The following DNAH9 variants were observed in gnomAD, a reference collection of about 807,000 sequenced individuals.
The protein encoded by DNAH9 is dynein axonemal heavy chain 9, also known as DNAH9 variant protein.
Under a neutral mutation model 471.6 loss-of-function variants are expected in DNAH9, and 345 were observed. That is an observed-to-expected ratio of 0.73 (90% CI 0.67 to 0.80). The LOEUF (loss-of-function observed/expected upper bound fraction) is 0.80. DNAH9 is among the 30% of genes least tolerant of loss of function. The probability of loss-of-function intolerance (pLI) is 0.00; values close to 1 mark genes in which losing one functional copy is unlikely to be tolerated. For missense variants in DNAH9, 5,407 were observed against 5,609.2 expected, an observed-to-expected ratio of 0.96 and a Z score of 1.15; for synonymous variants, 2,093 against 2,123.6, an observed-to-expected ratio of 0.99 and a Z score of 0.40.
intron 43 of DNAH9, among the ~76,000 whole-genome samples, chr17:11,800,303 C>T (rs562350848): frequency 1.7e-4 from 26 of 151,708 alleles, no homozygotes; most frequent in Non-Finnish European, 2.8e-4. Flanking sequence ...CCTACACCTG[C>T]GCCCTGGATC....
chr17:11,612,615 A>G (rs2150643774), intron 4 of DNAH9: 1 of 152,296 alleles, frequency 6.6e-6, no homozygotes, highest in Middle Eastern at 3.4e-3. Flanking sequence ...ACCAGACAAG[A>G]TCTACGCTTA....
chr17:11,746,119 GAGAAA>G (rs2075520248), intron 31 of DNAH9, among the ~76,000 whole-genome samples: 1 of 152,216 alleles, frequency 6.6e-6, no homozygotes, highest in Non-Finnish European at 1.5e-5. Context: ...CAAGAGTCAA[GAGAAA>G]AGAATAAGTC....
intron 62 of DNAH9, among the ~76,000 whole-genome samples, chr17:11,928,408 G>A (rs1200963942): frequency 6.6e-6 from 1 of 152,202 alleles, no homozygotes; most frequent in African/African-American, 2.4e-5. Flanking sequence ...TCCAAGTGCT[G>A]GGCTCAGCTC....
At chr17:11,621,416 A>AT in intron 6 of DNAH9, among the ~76,000 whole-genome samples, 1 of 151,286 alleles carries the variant, frequency 6.6e-6, no homozygotes, top group Admixed American at 6.6e-5. Context: ...TCAAAAAAAA[A>AT]AAAAAAAAAA....
Position 11,752,853 on chromosome 17 carries a change from C to G in DNAH9, c.6631C>G (p.Arg2211Gly). The G allele has an allele frequency of 6.2e-7, 1 of 1,600,548 alleles. No homozygotes were observed. The highest frequency in any genetic ancestry group is 1.1e-5 in the South Asian group (1 of 88,708). The change falls in exon 33 of 69, where the codon CGG (arginine) becomes GGG (glycine). Residue 2211 changes from arginine (R) to glycine (G), a missense_variant. Transcript: ENST00000262442. ...TTTAGGATTGTTCTCTTCCATCATGCGGGAGCTTGCCAACATCACCCATGA... is the reference window on the plus strand; with the variant it reads ...TTTAGGATTGTTCTCTTCCATCATGGGGGAGCTTGCCAACATCACCCATGA... ...WKDGLFSSIM[R>G]ELANITHDGP...
Position 11,636,687 on chromosome 17 carries a change from A to G in DNAH9, c.1689A>G (p.Thr563=). The G allele has an allele frequency of 6.2e-7, 1 of 1,613,740 alleles. No homozygotes were observed. Among genetic ancestry groups the G allele is most frequent in the Non-Finnish European group, 8.5e-7 (1 of 1,179,628 alleles). ...LLERPLVARD[T]SDKYLVLIQM... Reference sequence around the variant, plus strand: ...AAAGACCGCTGGTAGCGAGGGATACATCTGATAAATACCTGGTCCTCATCC... The same window carrying G: ...AAAGACCGCTGGTAGCGAGGGATACGTCTGATAAATACCTGGTCCTCATCC... The change falls in exon 9 of 69, where the codon ACA becomes ACG. Residue 563 remains threonine (T), a synonymous_variant. Transcript: ENST00000262442.
chr17:11,743,991 A>C (rs1213282715), intron 30 of DNAH9, among the ~76,000 whole-genome samples: 1 of 151,800 alleles, frequency 6.6e-6, no homozygotes, highest in Non-Finnish European at 1.5e-5. Context: ...CACCAACCCC[A>C]GCTAATTTTT....
intron 28 of DNAH9, among the ~76,000 whole-genome samples, chr17:11,737,300 C>A (rs949785721): frequency 6.6e-6 from 1 of 152,174 alleles, no homozygotes; most frequent in Non-Finnish European, 1.5e-5. Context: ...ACAGCCGTGC[C>A]CAGTGGTAGA....
rs1430518187 is a variant in DNAH9 at position 11,598,631 on chromosome 17, C to T, written c.133C>T (p.Arg45Cys). The T allele has an allele frequency of 2.2e-6, 3 of 1,342,844 alleles. No homozygotes were observed. Among genetic ancestry groups the T allele is most frequent in the South Asian group, 3.7e-5 (2 of 54,634 alleles). The allele number at this position is 1,342,844 out of a possible 1,614,324, so 83.2% of individuals were successfully genotyped here. Residue 45 changes from arginine (R) to cysteine (C), a missense_variant, in exon 1 of 69, where the codon CGT becomes TGT. Coordinates refer to ENST00000262442, the MANE Select transcript of DNAH9 (RefSeq NM_001372.4). ...GCGGCCGGCTGCGGGCGCCTGGGAG[C>T]GTTGCGCGGGGAGTGCTGAGGCGGA... ...SLRPAAGAWERCAGSAEAEQL... is the reference protein window; with the variant it reads ...SLRPAAGAWECCAGSAEAEQL...
chr17:11,689,785 C>T lies in DNAH9; in HGVS notation c.3963C>T (p.Thr1321=). ...CCTCCAGCATCCATGCCTGGGAGAC[C>T]ACACCCTGGAGGAATATCAACGTGG... is the stretch of plus-strand genomic sequence containing the variant. ...MVTSSIHAWE[T]TPWRNINVEA... is the part of the protein sequence containing the mutation. Residue 1321 remains threonine, a synonymous_variant, in exon 20 of 69, where the codon ACC becomes ACT. Coordinates refer to ENST00000262442, the MANE Select transcript of DNAH9 (RefSeq NM_001372.4). 2 of 1,614,194 alleles carry T rather than the reference C, an allele frequency of 1.2e-6. No individual in the cohort carries two copies. Among genetic ancestry groups the T allele is most frequent in the Non-Finnish European group, 1.7e-6 (2 of 1,180,028 alleles).
intron 50 of DNAH9, among the ~76,000 whole-genome samples, chr17:11,868,324 A>G (rs1402894215): frequency 1.3e-5 from 2 of 152,140 alleles, no homozygotes; most frequent in South Asian, 2.1e-4. Context: ...GTAATGACCA[A>G]CAAAGCAGCC....
At chr17:11,766,369 C>T (rs1325442645) in intron 36 of DNAH9, among the ~76,000 whole-genome samples, 1 of 151,428 alleles carries the variant, frequency 6.6e-6, no homozygotes, top group Non-Finnish European at 1.5e-5. Context: ...CTCTCGGAAA[C>T]GTAAGGTAGA....
chr17:11,731,931 G>A (rs1488653750), intron 28 of DNAH9, among the ~76,000 whole-genome samples: 1 of 152,146 alleles, frequency 6.6e-6, no homozygotes, highest in Non-Finnish European at 1.5e-5. Flanking sequence ...GGGATGGCGG[G>A]TCAAATGGTA....
At chr17:11,952,863 T>G (rs1005209508) in intron 67 of DNAH9, among the ~76,000 whole-genome samples, 2 of 152,150 alleles carry the variant, frequency 1.3e-5, no homozygotes, top group African/African-American at 2.4e-5. Context: ...CAGATATTTA[T>G]TTCTCACAGT....
chr17:11,758,353 T>C (rs984007209), intron 35 of DNAH9, among the ~76,000 whole-genome samples: 1 of 152,200 alleles, frequency 6.6e-6, no homozygotes, highest in African/African-American at 2.4e-5. Flanking sequence ...GTTTGGAACC[T>C]GCTTTTGTTT....
chr17:11,653,428 C>T (rs17528728), intron 14 of DNAH9, among the ~76,000 whole-genome samples: 44,002 of 152,056 alleles, frequency 0.29, 7,149 homozygotes, highest in Middle Eastern at 0.41. Flanking sequence ...CCGTGGTATC[C>T]CTAACTGTGT....
chr17:11,871,774 G>A lies in DNAH9; in HGVS notation c.10230G>A (p.Leu3410=), dbSNP rs930060851. The A allele has an allele frequency of 1.9e-6, 3 of 1,613,932 alleles. No individual in the cohort carries two copies. The highest frequency in any genetic ancestry group is 2.7e-5 in the African/African-American group (2 of 74,918). ...TGGACAGAACTTGGAGGCCCTACCT[G>A]AGCCAGCTGAAAGTACGTATGGCCT... is the stretch of plus-strand genomic sequence containing the variant. ...SLLDRTWRPY[L]SQLKTPIPVT... is the part of the protein sequence containing the mutation. The change falls in exon 52 of 69, where the codon CTG becomes CTA. Residue 3410 remains leucine (L), a synonymous_variant. Transcript: ENST00000262442.
At chr17:11,801,331 A>C (rs1026552466) in intron 43 of DNAH9, among the ~76,000 whole-genome samples, 4 of 152,160 alleles carry the variant, frequency 2.6e-5, no homozygotes, top group African/African-American at 9.7e-5. Flanking sequence ...TGTCTTGCTC[A>C]CTGCTGAAAC....
intron 6 of DNAH9, among the ~76,000 whole-genome samples, chr17:11,622,207 G>T (rs1205847818): frequency 6.6e-6 from 1 of 152,158 alleles, no homozygotes; most frequent in Non-Finnish European, 1.5e-5. Context: ...ACTGGAGTGG[G>T]AATTTGCCAG....
Sources: gnomAD v4.1 joint callset for allele counts (sites outside exome capture counted in the v4.1 genomes callset) on GRCh38, gnomAD v4.1.1 for gene constraint, MANE v1.5 for transcripts, NCBI Gene and HGNC (gene_info 2026-07-23, HGNC 2026-07-21) for gene names.